Variants in SCN8A observed in about 807,000 individuals in gnomAD.
SCN8A encodes sodium channel protein type 8 subunit alpha.
SCN8A carries 30 observed loss-of-function variants against 184.1 expected under a neutral mutation model. The observed-to-expected ratio is 0.16, with a 90% CI of 0.12 to 0.22. SCN8A has a LOEUF of 0.22. Among genes scored for constraint, SCN8A ranks in the 10% least tolerant of loss-of-function variants. The pLI, the probability that SCN8A is intolerant of heterozygous loss-of-function variation, is 1.00. For synonymous variants in SCN8A, 852 were observed against 907.0 expected, an observed-to-expected ratio of 0.94 and a Z score of 1.09; for missense variants, 1,057 against 2,498.9, an observed-to-expected ratio of 0.42 and a Z score of 12.30.
intron 11 of SCN8A, among the ~76,000 whole-genome samples, chr12:51,720,075 C>CAA (rs397944526): frequency 0.022 from 1,811 of 84,232 alleles, 110 homozygotes; most frequent in African/African-American, 0.059. Context: ...GACTCCGTCT[C>CAA]AAAAAAAAAA....
chr12:51,612,895 G>A (rs1316928110), intron 1 of SCN8A, among the ~76,000 whole-genome samples: 3 of 152,002 alleles, frequency 2.0e-5, no homozygotes, highest in Admixed American at 2.0e-4. Context: ...CTAATTTTTT[G>A]TATTTTTAGT....
At chr12:51,761,133 T>C (rs758007149) in intron 14 of SCN8A, among the ~76,000 whole-genome samples, 1 of 152,190 alleles carries the variant, frequency 6.6e-6, no homozygotes, top group Non-Finnish European at 1.5e-5. Flanking sequence ...TGTTGTTATA[T>C]GGTTAGCCTA....
chr12:51,781,641 T>A (rs1289396068), intron 21 of SCN8A, among the ~76,000 whole-genome samples: 1 of 152,048 alleles, frequency 6.6e-6, no homozygotes, highest in Non-Finnish European at 1.5e-5. Flanking sequence ...TGCGTGTGCG[T>A]GCGTGCACGC....
intron 1 of SCN8A, among the ~76,000 whole-genome samples, chr12:51,617,224 C>T (rs868211307): frequency 1.3e-5 from 2 of 152,204 alleles, no homozygotes; most frequent in Non-Finnish European, 2.9e-5. Flanking sequence ...CCTGTTGGGC[C>T]TTTGATACAA....
At chr12:51,786,905 C>A in intron 22 of SCN8A, 79 bp downstream of exon 22, 1 of 1,318,024 alleles carries the variant, frequency 7.6e-7, no homozygotes, top group Non-Finnish European at 1.0e-6. Context: ...GGCTTCTTCT[C>A]AACCCTACTT....
chr12:51,634,532 C>G (rs1349028614), intron 1 of SCN8A, among the ~76,000 whole-genome samples: 1 of 151,952 alleles, frequency 6.6e-6, no homozygotes, highest in East Asian at 1.9e-4. Flanking sequence ...AAGGAAAGAA[C>G]ATGGATGGAT....
At chr12:51,645,715 G>C (rs1443907667) in intron 1 of SCN8A, among the ~76,000 whole-genome samples, 1 of 149,650 alleles carries the variant, frequency 6.7e-6, no homozygotes, top group East Asian at 2.0e-4. Context: ...GATTAAGGGC[G>C]GTGCAAGATG....
chr12:51,743,251 G>T (rs1312270492), intron 12 of SCN8A, among the ~76,000 whole-genome samples: 1 of 152,082 alleles, frequency 6.6e-6, no homozygotes, highest in Non-Finnish European at 1.5e-5. Context: ...ATGTTTTCCT[G>T]CATGATCTTG....
At chr12:51,787,614 T>A (rs1938121630) in intron 22 of SCN8A, among the ~76,000 whole-genome samples, 1 of 152,258 alleles carries the variant, frequency 6.6e-6, no homozygotes, top group Non-Finnish European at 1.5e-5. Context: ...TTGTGATTTT[T>A]AAAAATTTCT....
intron 12 of SCN8A, among the ~76,000 whole-genome samples, chr12:51,739,230 C>T (rs1942378679): frequency 6.6e-6 from 1 of 152,042 alleles, no homozygotes; most frequent in Non-Finnish European, 1.5e-5. Context: ...TAATATTTCC[C>T]TGTTGATCTG....
intron 2 of SCN8A, among the ~76,000 whole-genome samples, chr12:51,677,025 C>A (rs1301586640): frequency 6.6e-6 from 1 of 151,266 alleles, no homozygotes; most frequent in African/African-American, 2.4e-5. Context: ...TATATAAAGT[C>A]TTTTCATATA....
intron 12 of SCN8A, among the ~76,000 whole-genome samples, chr12:51,732,031 T>A (rs1942251430): frequency 6.6e-6 from 1 of 152,204 alleles, no homozygotes; most frequent in African/African-American, 2.4e-5. Flanking sequence ...GTCTGTTCAC[T>A]TTGTTGATTG....
chr12:51,654,550 T>C (rs1940783533), intron 1 of SCN8A, among the ~76,000 whole-genome samples: 1 of 152,174 alleles, frequency 6.6e-6, no homozygotes, highest in Admixed American at 6.5e-5. Flanking sequence ...TTAGTCTATA[T>C]GTCTGTCTTT....
intron 1 of SCN8A, among the ~76,000 whole-genome samples, chr12:51,633,390 A>G (rs949264165): frequency 6.6e-6 from 1 of 152,252 alleles, no homozygotes; most frequent in East Asian, 1.9e-4. Context: ...TGGGATGGCC[A>G]ATAAAAAATG....
intron 1 of SCN8A, among the ~76,000 whole-genome samples, chr12:51,624,595 G>T (rs1252041263): frequency 6.6e-6 from 1 of 151,894 alleles, no homozygotes; most frequent in Non-Finnish European, 1.5e-5. Flanking sequence ...TTCTTTTGCT[G>T]TGCAGAAGCT....
intron 2 of SCN8A, among the ~76,000 whole-genome samples, chr12:51,669,164 A>G (rs757343062): frequency 1.3e-5 from 2 of 152,212 alleles, no homozygotes; most frequent in Non-Finnish European, 2.9e-5. Flanking sequence ...GGGCAATAAG[A>G]ATTTTTCAGC....
intron 14 of SCN8A, among the ~76,000 whole-genome samples, chr12:51,756,109 A>T (rs1310606036): frequency 6.6e-6 from 1 of 151,108 alleles, no homozygotes; most frequent in Non-Finnish European, 1.5e-5. Flanking sequence ...CATCCTTCTC[A>T]CCCCACACCA....
intron 1 of SCN8A, among the ~76,000 whole-genome samples, chr12:51,642,393 G>A (rs1297596108): frequency 6.6e-6 from 1 of 152,180 alleles, no homozygotes; most frequent in Non-Finnish European, 1.5e-5. Flanking sequence ...TAAAGGATAA[G>A]GAAATGCTCT....
At chr12:51,764,731 A>G (rs1592149266) in intron 15 of SCN8A, among the ~76,000 whole-genome samples, 1 of 152,076 alleles carries the variant, frequency 6.6e-6, no homozygotes, top group East Asian at 1.9e-4. Context: ...CATGATTGAC[A>G]GGTACTAAAA....
Sources: allele counts gnomAD v4.1 joint callset (sites outside exome capture counted in the v4.1 genomes callset), GRCh38; gene constraint gnomAD v4.1.1; transcripts MANE v1.5; gene names NCBI Gene and HGNC (gene_info 2026-07-23, HGNC 2026-07-21).